AUTS2: variants seen among roughly 807,000 people sequenced by gnomAD.
AUTS2 encodes autism susceptibility gene 2 protein.
AUTS2 carries 17 observed loss-of-function variants against 112.4 expected under a neutral mutation model. The ratio of observed to expected loss-of-function variants is 0.15; its 90% CI spans 0.10 to 0.23. The LOEUF (loss-of-function observed/expected upper bound fraction) is 0.23. AUTS2 is among the 10% of genes least tolerant of loss of function. The pLI is 1.00. For missense variants in AUTS2, 1,510 were observed against 1,701.6 expected (o/e 0.89, Z 1.98); for synonymous variants, 751 against 702.7 (o/e 1.07, Z -1.09).
rs538561267 is a variant in AUTS2, at chr7:70,425,005, C to T, written c.661-10747C>T. Among the ~76,000 whole-genome samples the T allele has an allele frequency of 3.3e-5, 5 of 152,294 alleles. No homozygotes were observed. In the East Asian group the frequency reaches 9.7e-4, roughly 29 times the overall value. On this transcript the variant is annotated intron_variant, in intron 4 of 18. Transcript: ENST00000342771. ...TGTGAAATGCACTTCAACAACCAGG[C>T]TTTTCCAAAATAGAGAGCTCAGGGC...
chr7:70,165,945 TGCTGTTCTCATGA>T (rs1262561121), intron 4 of AUTS2, among the ~76,000 whole-genome samples: 9 of 151,768 alleles, frequency 5.9e-5, no homozygotes, highest in Non-Finnish European at 1.5e-5. Flanking sequence ...AGTTCCCCAC[TGCTGTTCTCATGA>T]TAGCGAGTGA....
chr7:70,209,523 G>A (rs887419163), intron 4 of AUTS2, among the ~76,000 whole-genome samples: 2 of 152,068 alleles, frequency 1.3e-5, no homozygotes, highest in African/African-American at 4.8e-5. Context: ...CCTAGGAAGA[G>A]AATATAAATA....
rs111308990 is a variant in AUTS2, at chr7:70,396,666, T to C, written c.661-39086T>C. On this transcript the variant is annotated intron_variant, in intron 4 of 18. Transcript: ENST00000342771. ...TGTTGGGACTACAGGTGTGAGCCAC[T>C]GCACCTGGCCTATTTTGAGATTCAT... is the stretch of plus-strand genomic sequence containing the variant. 4.2e-3 allele frequency among the ~76,000 whole-genome samples: 640 copies of C among 152,328 alleles called. 3 individuals carry two copies. The highest frequency in any genetic ancestry group is 0.015 in the African/African-American group (608 of 41,576).
chr7:70,735,166 C>G (rs1030138489), intron 6 of AUTS2, among the ~76,000 whole-genome samples: 6 of 152,194 alleles, frequency 3.9e-5, no homozygotes, highest in Admixed American at 6.5e-5. Context: ...GGGTAAGTGT[C>G]CTCTTTTAGA....
At chr7:70,648,685 A>G (rs1437803879) in intron 5 of AUTS2, among the ~76,000 whole-genome samples, 1 of 151,990 alleles carries the variant, frequency 6.6e-6, no homozygotes, top group Non-Finnish European at 1.5e-5. Context: ...CCTTTCAAGC[A>G]ATTCTCCTGT....
rs1791844738 is a variant in AUTS2, at chr7:70,790,445, G to A, written c.3229G>A (p.Asp1077Asn). ...GGACCCCATCCGGGACCCCTTGAGG[G>A]ATCCTTACCGAGAACTTGACATTCA... ...HWDPIRDPLR[D>N]PYRELDIHRR... Residue 1077 changes from aspartate (D) to asparagine (N), a missense_variant, in exon 19 of 19, where the codon GAT becomes AAT. Transcript: ENST00000342771. The surrounding 1 kb of genome is among the most constrained non-coding windows in gnomAD (Gnocchi z 7.6). 1 of 1,612,354 alleles carries A rather than the reference G, an allele frequency of 6.2e-7. No homozygotes were observed. The highest frequency in any genetic ancestry group is 2.2e-5 in the East Asian group (1 of 44,802).
chr7:69,820,992 A>G (rs892805132), intron 1 of AUTS2, among the ~76,000 whole-genome samples: 1 of 152,172 alleles, frequency 6.6e-6, no homozygotes, highest in African/African-American at 2.4e-5. Flanking sequence ...GCACCTGGAA[A>G]GGCTTTATAA....
intron 4 of AUTS2, among the ~76,000 whole-genome samples, chr7:70,318,124 A>G (rs538399829): frequency 1.4e-4 from 21 of 152,264 alleles, no homozygotes; most frequent in African/African-American, 1.9e-4. Context: ...TCTATTATGC[A>G]TGTCACGTAG....
intron 1 of AUTS2, among the ~76,000 whole-genome samples, chr7:69,734,333 C>T (rs1562845826): frequency 6.7e-6 from 1 of 148,196 alleles, no homozygotes; most frequent in African/African-American, 2.5e-5. Context: ...AATAATAACT[C>T]TTTGTTCCTC....
intron 5 of AUTS2, among the ~76,000 whole-genome samples, chr7:70,587,832 G>T (rs1802754491): frequency 6.6e-6 from 1 of 152,166 alleles, no homozygotes; most frequent in Non-Finnish European, 1.5e-5. Flanking sequence ...GGTTCAATCT[G>T]ATCATCTTAC....
chr7:70,614,430 T>A (rs1022729954), intron 5 of AUTS2, among the ~76,000 whole-genome samples: 1 of 152,194 alleles, frequency 6.6e-6, no homozygotes, highest in Admixed American at 6.5e-5. Flanking sequence ...TAGTTTCTCT[T>A]CTGTAATTTA....
intron 4 of AUTS2, among the ~76,000 whole-genome samples, chr7:70,188,034 A>G (rs1429367031): frequency 6.6e-6 from 1 of 151,710 alleles, no homozygotes; most frequent in African/African-American, 2.4e-5. Context: ...TCATATTAAA[A>G]CCCCAAAAGT....
chr7:70,410,454 G>C (rs1232067965), intron 4 of AUTS2, among the ~76,000 whole-genome samples: 1 of 142,094 alleles, frequency 7.0e-6, no homozygotes, highest in Non-Finnish European at 1.6e-5. Flanking sequence ...TTCAAACAGA[G>C]TCTCTATCGC....
chr7:69,929,679 T>C (rs908554525), intron 2 of AUTS2, among the ~76,000 whole-genome samples: 7 of 152,230 alleles, frequency 4.6e-5, no homozygotes, highest in African/African-American at 1.7e-4. Context: ...AGCAGTTTCA[T>C]TTCTAAAGAT....
chr7:69,713,873 A>G (rs1798452945), intron 1 of AUTS2, among the ~76,000 whole-genome samples: 1 of 152,034 alleles, frequency 6.6e-6, no homozygotes, highest in Admixed American at 6.6e-5. Flanking sequence ...GTGTCTTTTG[A>G]ATAATAGAGG....
At chr7:69,649,275 G>C (rs1795179811) in intron 1 of AUTS2, among the ~76,000 whole-genome samples, 1 of 152,168 alleles carries the variant, frequency 6.6e-6, no homozygotes, top group Admixed American at 6.5e-5. Flanking sequence ...TTACAGTCTA[G>C]GTACTTGGGG....
intron 1 of AUTS2, among the ~76,000 whole-genome samples, chr7:69,663,698 T>C (rs1418238693): frequency 6.6e-6 from 1 of 152,196 alleles, no homozygotes. Context: ...GGAGGTATAC[T>C]CTAGTAGAAT....
chr7:70,310,808 G>A (rs141269403), intron 4 of AUTS2, among the ~76,000 whole-genome samples: 491 of 152,090 alleles, frequency 3.2e-3, no homozygotes, highest in Non-Finnish European at 5.4e-3. Flanking sequence ...CTCCTGGCTC[G>A]GCCTGCAAAA....
intron 5 of AUTS2, among the ~76,000 whole-genome samples, chr7:70,559,332 T>C (rs1212793182): frequency 1.3e-5 from 2 of 151,530 alleles, no homozygotes; most frequent in African/African-American, 4.9e-5. Flanking sequence ...ACCCTTCCTT[T>C]CTTTCTTTTT....
Sources: gnomAD v4.1 joint callset for allele counts (sites outside exome capture counted in the v4.1 genomes callset) on GRCh38, gnomAD v4.1.1 for gene constraint, Gnocchi (gnomAD v3.1) non-coding constraint, MANE v1.5 for transcripts, NCBI Gene and HGNC (gene_info 2026-07-23, HGNC 2026-07-21) for gene names.